The following HNF4A variants were observed in gnomAD, a reference collection of about 807,000 sequenced individuals.
HNF4A encodes hepatocyte nuclear factor 4-alpha.
Under a neutral mutation model 52.4 loss-of-function variants are expected in HNF4A, and 15 were observed. The observed-to-expected ratio is 0.29, with a 90% CI of 0.19 to 0.44. The LOEUF (loss-of-function observed/expected upper bound fraction) is 0.44. Ranked by LOEUF, HNF4A falls within the 20% of genes least tolerant of loss-of-function variation. The probability of loss-of-function intolerance (pLI) is 1.00; values close to 1 mark genes in which losing one functional copy is unlikely to be tolerated. For missense variants in HNF4A, 479 were observed against 647.2 expected, an observed-to-expected ratio of 0.74 and a Z score of 2.82; for synonymous variants, 280 against 264.4, an observed-to-expected ratio of 1.06 and a Z score of -0.57.
At chr20:44,423,797 G>C (rs1271017208) in intron 7 of HNF4A, among the ~76,000 whole-genome samples, 1 of 152,160 alleles carries the variant, frequency 6.6e-6, no homozygotes, top group Non-Finnish European at 1.5e-5. Context: ...CTCTCTTCTG[G>C]TTTAGTGCTT....
In HNF4A at chr20:44,430,212, G is replaced by A. The variant is rs1031904976; in HGVS notation, c.*547G>A. ...TCTTCTCCAACACCACCTCTCCAGAGGCCAAGGAGGCCTTGGAAACGATTC... is the reference window on the plus strand; with the variant it reads ...TCTTCTCCAACACCACCTCTCCAGAAGCCAAGGAGGCCTTGGAAACGATTC... On this transcript the variant is annotated 3_prime_UTR_variant, in exon 10 of 10. Coordinates refer to ENST00000316099, the MANE Select transcript of HNF4A (RefSeq NM_000457.6). 37 of 154,688 alleles carry A rather than the reference G, an allele frequency of 2.4e-4. No homozygotes were observed. The highest frequency in any genetic ancestry group is 4.2e-4 in the Non-Finnish European group (29 of 69,728). The allele number at this position is 154,688 out of a possible 1,614,324, so 9.6% of individuals were successfully genotyped here. A position where few individuals can be genotyped will look rare whatever the true frequency, so the allele number is the denominator to read the frequency against.
In HNF4A at chr20:44,373,503, C is replaced by T. The variant is rs532644120; in HGVS notation, c.49+17650C>T. 3.3e-5 allele frequency among the ~76,000 whole-genome samples: 5 copies of T among 151,942 alleles called. No individual in the cohort carries two copies. The East Asian group carries it at 9.7e-4, about 30-fold the overall frequency. On this transcript the variant is annotated intron_variant, in intron 1 of 9. Transcript: ENST00000316673. The stretch of plus-strand genomic sequence containing the variant: ...TTAATTCTTTTTTAATCATCCTTCT[C>T]TGCATTTTTGTAATTCCTCTACCAT...
intron 5 of HNF4A, among the ~76,000 whole-genome samples, chr20:44,415,009 G>A (rs978736977): frequency 2.0e-5 from 3 of 152,138 alleles, no homozygotes; most frequent in Non-Finnish European, 4.4e-5. Context: ...CCAAGCTCCT[G>A]ACCATTGTAC....
intron 1 of HNF4A, chr20:44,390,736 C>A: frequency 1.4e-6 from 1 of 692,722 alleles, no homozygotes; most frequent in South Asian, 1.5e-5. Context: ...AGGAGAGAGA[C>A]ACAGAACCAA....
chr20:44,393,660 A>C (rs2063326653), intron 1 of HNF4A, among the ~76,000 whole-genome samples: 2 of 152,212 alleles, frequency 1.3e-5, no homozygotes, highest in Non-Finnish European at 2.9e-5. Flanking sequence ...GGATCAAGGA[A>C]GTAACACATG....
chr20:44,363,046 G>T (rs2062934813), intron 1 of HNF4A, among the ~76,000 whole-genome samples: 1 of 151,852 alleles, frequency 6.6e-6, no homozygotes, highest in African/African-American at 2.4e-5. Flanking sequence ...AGTAGAGATG[G>T]GGTTTCACCA....
intron 7 of HNF4A, among the ~76,000 whole-genome samples, chr20:44,421,800 T>C (rs1285620469): frequency 1.4e-5 from 2 of 146,862 alleles, no homozygotes; most frequent in African/African-American, 5.0e-5. Flanking sequence ...ATATTATATA[T>C]ATATAATATA....
chr20:44,376,844 AC>A (rs2063090774), intron 1 of HNF4A, among the ~76,000 whole-genome samples: 1 of 151,864 alleles, frequency 6.6e-6, no homozygotes, highest in Non-Finnish European at 1.5e-5. Flanking sequence ...TCCTTTTATT[AC>A]TCCTCATAAT....
At chr20:44,412,064 A>G (rs1428240868) in intron 3 of HNF4A, among the ~76,000 whole-genome samples, 2 of 151,912 alleles carry the variant, frequency 1.3e-5, no homozygotes, top group East Asian at 1.9e-4. Context: ...CTCGAAAAAA[A>G]AAAAGAAAAA....
intron 8 of HNF4A, among the ~76,000 whole-genome samples, chr20:44,425,377 G>A (rs1170447567): frequency 6.6e-6 from 1 of 152,192 alleles, no homozygotes; most frequent in Non-Finnish European, 1.5e-5. Flanking sequence ...ATGGATGATG[G>A]AGGCTTGGAC....
upstream of HNF4A, among the ~76,000 whole-genome samples, chr20:44,398,617 AG>A (rs1377753406): frequency 3.3e-5 from 5 of 152,344 alleles, no homozygotes; most frequent in African/African-American, 9.6e-5. Flanking sequence ...CTTATGGGGT[AG>A]GTTATAATGT....
chr20:44,410,313 G>A (rs888475054), intron 3 of HNF4A, among the ~76,000 whole-genome samples: 4 of 152,226 alleles, frequency 2.6e-5, no homozygotes, highest in Non-Finnish European at 4.4e-5. Context: ...GCGAGTGAGC[G>A]TGGGTTAGTC....
intron 1 of HNF4A, 130 bp from the exon 2 acceptor site, chr20:44,405,928 G>A: frequency 3.5e-6 from 3 of 845,146 alleles, no homozygotes; most frequent in Non-Finnish European, 6.1e-6. Context: ...ACTGAGTGGG[G>A]AGGTGATGGA....
chr20:44,418,677 A>C (rs1357877512), intron 6 of HNF4A, among the ~76,000 whole-genome samples, 165 bp downstream of exon 6: 2 of 152,220 alleles, frequency 1.3e-5, no homozygotes, highest in African/African-American at 4.8e-5. Context: ...CTCAGTTTTC[A>C]ACTGGGTACC....
intron 3 of HNF4A, among the ~76,000 whole-genome samples, chr20:44,413,027 G>A (rs930628439): frequency 2.0e-5 from 3 of 152,134 alleles, no homozygotes; most frequent in Admixed American, 6.5e-5. Flanking sequence ...ATCCACTGTC[G>A]GGATGGTGGA....
chr20:44,389,375 T>C (rs1341461059), intron 1 of HNF4A, among the ~76,000 whole-genome samples: 2 of 152,236 alleles, frequency 1.3e-5, no homozygotes, highest in Admixed American at 6.5e-5. Flanking sequence ...CCCAGTTTCA[T>C]ATGAGTGTCA....
intron 1 of HNF4A, among the ~76,000 whole-genome samples, chr20:44,381,279 CTTT>C (rs11477724): frequency 1.9e-4 from 21 of 110,080 alleles, no homozygotes; most frequent in Non-Finnish European, 1.5e-4. Flanking sequence ...TCAGTGAGAG[CTTT>C]TTTTTTTTTT....
At chr20:44,402,692 C>T (rs754599003) in intron 1 of HNF4A, 35 of 1,160,616 alleles carry the variant, frequency 3.0e-5, no homozygotes, top group Admixed American at 9.0e-5. Flanking sequence ...GGGAAGAGCC[C>T]CATCGGTCCC....
At chr20:44,403,439 C>T (rs1266501700) in intron 1 of HNF4A, among the ~76,000 whole-genome samples, 1 of 152,222 alleles carries the variant, frequency 6.6e-6, no homozygotes, top group East Asian at 1.9e-4. Flanking sequence ...AAGGGCCTGG[C>T]CCCACCATGG....
Sources: gnomAD v4.1 joint callset for allele counts (sites outside exome capture counted in the v4.1 genomes callset) on GRCh38, gnomAD v4.1.1 for gene constraint, MANE v1.5 for transcripts, NCBI Gene and HGNC (gene_info 2026-07-23, HGNC 2026-07-21) for gene names.